Variants in SCGB2B2 observed in about 807,000 individuals in gnomAD.
SCGB2B2 encodes secretoglobin-like protein.
A neutral mutation model predicts 7.6 loss-of-function variants in SCGB2B2; 11 were observed. The observed-to-expected ratio is 1.45, with a 90% CI of 0.91 to 2.40. SCGB2B2 has a LOEUF of 2.40. Ranked by LOEUF, SCGB2B2 falls within the 30% of genes most tolerant of loss-of-function variation. The pLI, the probability that SCGB2B2 is intolerant of heterozygous loss-of-function variation, is 0.00. For missense variants in SCGB2B2, 104 were observed against 115.4 expected (o/e 0.90, Z 0.45); for synonymous variants, 50 against 48.6 (o/e 1.03, Z -0.12).
At chr19:34,662,713 C>A (rs2067494546) in intron 1 of SCGB2B2, among the ~76,000 whole-genome samples, 1 of 152,010 alleles carries the variant, frequency 6.6e-6, no homozygotes, top group Admixed American at 6.6e-5. Flanking sequence ...CATTGGGAGG[C>A]CAAGGCACAG....
intron 1 of SCGB2B2, among the ~76,000 whole-genome samples, chr19:34,669,736 G>C (rs1217059070): frequency 7.8e-5 from 1 of 12,896 alleles, no homozygotes; most frequent in African/African-American, 2.6e-4. Flanking sequence ...CACACGAAGA[G>C]GTGTGTCTCA....
intron 1 of SCGB2B2, among the ~76,000 whole-genome samples, chr19:34,654,232 T>C (rs1383663797): frequency 2.0e-5 from 3 of 151,148 alleles, no homozygotes; most frequent in Non-Finnish European, 4.4e-5. Context: ...AAAATAAAAT[T>C]AGAATCAACT....
intron 1 of SCGB2B2, among the ~76,000 whole-genome samples, chr19:34,618,188 T>C (rs553203150): frequency 6.6e-6 from 1 of 152,346 alleles, no homozygotes; most frequent in South Asian, 2.1e-4. Flanking sequence ...GAATGATTTA[T>C]AGCCCTTTGG....
intron 1 of SCGB2B2, among the ~76,000 whole-genome samples, chr19:34,597,279 T>C (rs1033692965): frequency 3.3e-5 from 5 of 152,126 alleles, no homozygotes; most frequent in African/African-American, 1.2e-4. Flanking sequence ...CATGCCCACC[T>C]GAGGTTACCT....
chr19:34,645,893 C>A (rs561839789), intron 1 of SCGB2B2: 3 of 250,282 alleles, frequency 1.2e-5, no homozygotes, highest in Non-Finnish European at 2.4e-5. Context: ...CAGGGGATGC[C>A]TGCCTGGATT....
chr19:34,635,177 C>A, intron 1 of SCGB2B2: 1 of 296,542 alleles, frequency 3.4e-6, no homozygotes, highest in Non-Finnish European at 7.0e-6. Context: ...TCACTGCATT[C>A]ATAAGGCCTG....
chr19:34,594,770 A>G lies in SCGB2B2; in HGVS notation c.-207T>C. On this transcript the variant is annotated 5_prime_UTR_variant, in exon 2 of 4. Transcript: ENST00000601241. ...GGCCATGCTGTTGGGGTGGCAGCGT[A>G]TCGGGAACTGGACTCAGCATGCAGT... is the stretch of plus-strand genomic sequence containing the variant. The G allele has an allele frequency of 1.7e-6, 1 of 603,130 alleles. No individual in the cohort carries two copies. Among genetic ancestry groups the G allele is most frequent in the South Asian group, 1.9e-5 (1 of 54,004 alleles). 37.4% of individuals were successfully genotyped at this position (603,130 alleles called of 1,614,324 possible). A position where few individuals can be genotyped will look rare whatever the true frequency, so the allele number is the denominator to read the frequency against.
At chr19:34,626,149 A>T (rs1384074721) in intron 1 of SCGB2B2, among the ~76,000 whole-genome samples, 1 of 152,160 alleles carries the variant, frequency 6.6e-6, no homozygotes, top group East Asian at 1.9e-4. Context: ...AAAACCACAA[A>T]GATGGGGAAA....
At chr19:34,622,723 C>G (rs1239905460) in intron 1 of SCGB2B2, among the ~76,000 whole-genome samples, 1 of 152,122 alleles carries the variant, frequency 6.6e-6, no homozygotes, top group Non-Finnish European at 1.5e-5. Flanking sequence ...AAGCTTCAAC[C>G]TGAGGGTGAG....
intron 1 of SCGB2B2, among the ~76,000 whole-genome samples, chr19:34,619,532 G>A (rs6510438): frequency 0.32 from 47,951 of 152,002 alleles, 8,409 homozygotes; most frequent in Middle Eastern, 0.47. Context: ...GCAAAGAGAC[G>A]GCAAGCAATT....
chr19:34,611,652 T>C (rs1028935798), intron 1 of SCGB2B2, among the ~76,000 whole-genome samples: 2 of 58,578 alleles, frequency 3.4e-5, no homozygotes, highest in Non-Finnish European at 5.8e-5. Context: ...TAAAATTTAC[T>C]ATTTTTTTTT....
chr19:34,669,686 C>A (rs1284503739), intron 1 of SCGB2B2, among the ~76,000 whole-genome samples: 1 of 124,944 alleles, frequency 8.0e-6, no homozygotes, highest in Non-Finnish European at 1.8e-5. Flanking sequence ...GGCCGTGGGT[C>A]TCTCTGCAGA....
intron 1 of SCGB2B2, among the ~76,000 whole-genome samples, chr19:34,664,816 C>T (rs2067566638): frequency 6.6e-6 from 1 of 151,740 alleles, no homozygotes; most frequent in African/African-American, 2.4e-5. Flanking sequence ...CTCACCCACC[C>T]ATCACCCCCA....
chr19:34,639,667 C>T (rs554407959), intron 1 of SCGB2B2, among the ~76,000 whole-genome samples: 1 of 152,298 alleles, frequency 6.6e-6, no homozygotes, highest in East Asian at 1.9e-4. Context: ...CTTACTTCTG[C>T]TCAAACACCA....
At chr19:34,585,850 T>C (rs923246667), downstream of SCGB2B2, among the ~76,000 whole-genome samples, 7 of 152,218 alleles carry the variant, frequency 4.6e-5, no homozygotes, top group African/African-American at 9.7e-5. Context: ...GGTTCTACCA[T>C]AGTGATGGTA....
intron 1 of SCGB2B2, among the ~76,000 whole-genome samples, chr19:34,597,484 C>G (rs2065493080): frequency 6.6e-6 from 1 of 152,186 alleles, no homozygotes; most frequent in Non-Finnish European, 1.5e-5. Context: ...GCACCACTTT[C>G]AGCCATCTCA....
At chr19:34,651,128 C>T (rs113933203) in intron 1 of SCGB2B2, among the ~76,000 whole-genome samples, 5,453 of 151,322 alleles carry the variant, frequency 0.036, 655 homozygotes, top group African/African-American at 0.13. Flanking sequence ...GTATGGCAAA[C>T]CCACAGCCAA....
chr19:34,675,074 A>G (rs1186781196), intron 1 of SCGB2B2, among the ~76,000 whole-genome samples: 1 of 152,230 alleles, frequency 6.6e-6, no homozygotes. Flanking sequence ...AATCTCATTA[A>G]CAATTAAAAA....
chr19:34,601,167 G>A (rs2065613143), intron 1 of SCGB2B2, among the ~76,000 whole-genome samples: 1 of 152,120 alleles, frequency 6.6e-6, no homozygotes, highest in South Asian at 2.1e-4. Context: ...ACTGCTCTGT[G>A]TCCTCTTTGT....
Sources: gnomAD v4.1 joint callset for allele counts (sites outside exome capture counted in the v4.1 genomes callset) on GRCh38, gnomAD v4.1.1 for gene constraint, MANE v1.5 for transcripts, NCBI Gene and HGNC (gene_info 2026-07-23, HGNC 2026-07-21) for gene names.